Variants in DACH2 observed in about 807,000 individuals in gnomAD.
DACH2 encodes the protein dachshund family transcription factor 2, also known as dachshund homolog 2.
A neutral mutation model predicts 35.8 loss-of-function variants in DACH2; 17 were observed. The observed-to-expected ratio is 0.48, with a 90% confidence interval of 0.33 to 0.71. The LOEUF (loss-of-function observed/expected upper bound fraction) is 0.71. DACH2 is among the 30% of genes least tolerant of loss of function. The probability of loss-of-function intolerance (pLI) is 0.02; values close to 1 mark genes in which losing one functional copy is unlikely to be tolerated. For synonymous variants in DACH2, 195 were observed against 177.3 expected (o/e 1.10, Z -0.79); for missense variants, 469 against 472.7 (o/e 0.99, Z 0.07).
At chrX:86,404,970 G>A (rs772477615) in intron 2 of DACH2, among the ~76,000 whole-genome samples, 3 of 112,425 alleles carry the variant, frequency 2.7e-5, no homozygotes, top group Non-Finnish European at 3.8e-5. Flanking sequence ...ACCCTCTGAA[G>A]CAGCAGCCTG....
intron 11 of DACH2, among the ~76,000 whole-genome samples, chrX:86,817,996 G>T (rs1036011474): frequency 4.5e-5 from 5 of 111,757 alleles, no homozygotes; most frequent in Admixed American, 1.9e-4. Flanking sequence ...CAAAGAAATT[G>T]GTTTGTATTT....
intron 1 of DACH2, among the ~76,000 whole-genome samples, chrX:86,307,512 C>T (rs1403319265): frequency 9.0e-6 from 1 of 111,544 alleles, no homozygotes; most frequent in Non-Finnish European, 1.9e-5. Context: ...ACAGCTTTCC[C>T]ATCTCCAGTA....
chrX:86,661,047 A>T (rs1041409202), intron 4 of DACH2, among the ~76,000 whole-genome samples: 1 of 111,582 alleles, frequency 9.0e-6, no homozygotes, highest in East Asian at 2.8e-4. Context: ...TATACAGTGA[A>T]CCTAGTTCAT....
chrX:86,373,033 C>CCATGGTATACAT (rs2035912555), intron 1 of DACH2, among the ~76,000 whole-genome samples: 2 of 111,260 alleles, frequency 1.8e-5, no homozygotes, highest in South Asian at 7.5e-4. Context: ...GTGTAATATT[C>CCATGGTATACAT]CATGGTATAC....
chrX:86,665,220 C>A (rs1432031929), intron 4 of DACH2, among the ~76,000 whole-genome samples: 5 of 111,811 alleles, frequency 4.5e-5, no homozygotes, highest in Non-Finnish European at 9.4e-5. Flanking sequence ...TACATGTAAG[C>A]ATTTAAAATA....
intron 1 of DACH2, among the ~76,000 whole-genome samples, chrX:86,286,999 T>TTGCTCA (rs2034165659): frequency 9.0e-6 from 1 of 111,551 alleles, no homozygotes; most frequent in Non-Finnish European, 1.9e-5. Flanking sequence ...TGATTTCTTA[T>TTGCTCA]TGCTCATTAA....
At chrX:86,512,903 T>A (rs1262366640) in intron 2 of DACH2, 1 of 329,552 alleles carries the variant, frequency 3.0e-6, no homozygotes, top group Non-Finnish European at 5.9e-6. Context: ...AAATAAATTA[T>A]GGCCCAGAAT....
chrX:86,525,134 C>T (rs756648790), intron 3 of DACH2, among the ~76,000 whole-genome samples: 1 of 110,706 alleles, frequency 9.0e-6, no homozygotes, highest in African/African-American at 3.3e-5. Flanking sequence ...TAAGGCCAGG[C>T]TTTTTATTTA....
At chrX:86,413,830 C>A (rs1164036729) in intron 2 of DACH2, among the ~76,000 whole-genome samples, 1 of 110,536 alleles carries the variant, frequency 9.0e-6, no homozygotes, top group Non-Finnish European at 1.9e-5. Flanking sequence ...GTCCAGGGAC[C>A]TACTGGACCC....
At chrX:86,774,968 C>A (rs1436556852) in intron 7 of DACH2, among the ~76,000 whole-genome samples, 2 of 111,181 alleles carry the variant, frequency 1.8e-5, no homozygotes, top group Non-Finnish European at 3.8e-5. Context: ...TATGGTGAAT[C>A]TTCCATGTAT....
At chrX:86,570,046 C>T in intron 3 of DACH2, among the ~76,000 whole-genome samples, 1 of 111,586 alleles carries the variant, frequency 9.0e-6, no homozygotes, top group African/African-American at 3.3e-5. Flanking sequence ...GAGATACCAG[C>T]TCATGCCAGT....
intron 2 of DACH2, among the ~76,000 whole-genome samples, chrX:86,409,534 G>A (rs2064190574): frequency 9.1e-6 from 1 of 110,343 alleles, no homozygotes; most frequent in African/African-American, 3.3e-5. Flanking sequence ...AAAGTGTGTG[G>A]AACCTTCCCC....
chrX:86,506,670 A>G (rs1433748787), intron 2 of DACH2, among the ~76,000 whole-genome samples: 1 of 111,727 alleles, frequency 9.0e-6, no homozygotes, highest in East Asian at 2.8e-4. Context: ...GCTGGGTTAT[A>G]GGCATGAACC....
intron 11 of DACH2, among the ~76,000 whole-genome samples, chrX:86,827,426 T>G: frequency 9.0e-6 from 1 of 111,611 alleles, no homozygotes; most frequent in Non-Finnish European, 1.9e-5. Context: ...AAGCATATTT[T>G]AGAGTTAGGG....
At chrX:86,241,888 G>A (rs2033172652) in intron 1 of DACH2, among the ~76,000 whole-genome samples, 1 of 112,721 alleles carries the variant, frequency 8.9e-6, no homozygotes, top group Admixed American at 9.4e-5. Context: ...AGCCTTGGCA[G>A]CTTCCACATG....
intron 7 of DACH2, among the ~76,000 whole-genome samples, chrX:86,760,197 G>T (rs1045848450): frequency 1.8e-5 from 2 of 111,265 alleles, no homozygotes; most frequent in South Asian, 3.7e-4. Context: ...TGTCTTACAT[G>T]TATTTGGAGG....
intron 3 of DACH2, among the ~76,000 whole-genome samples, chrX:86,602,025 T>C (rs945676681): frequency 1.8e-5 from 2 of 112,263 alleles, no homozygotes; most frequent in African/African-American, 6.5e-5. Context: ...CCTGCCCCTT[T>C]GTAAATGCTT....
At chrX:86,202,657 T>C (rs1002456582) in intron 1 of DACH2, among the ~76,000 whole-genome samples, 2 of 110,653 alleles carry the variant, frequency 1.8e-5, no homozygotes, top group Admixed American at 1.9e-4. Context: ...AGAAGAAAGA[T>C]TGGTTAGAGG....
chrX:86,507,378 C>T (rs1467468350), intron 2 of DACH2, among the ~76,000 whole-genome samples: 5 of 106,676 alleles, frequency 4.7e-5, no homozygotes, highest in African/African-American at 1.4e-4. Flanking sequence ...GCAATAGTAT[C>T]CTTCTTGCTG....
Sources: allele counts gnomAD v4.1 joint callset (sites outside exome capture counted in the v4.1 genomes callset), GRCh38; gene constraint gnomAD v4.1.1; transcripts MANE v1.5; gene names NCBI Gene and HGNC (gene_info 2026-07-23, HGNC 2026-07-21).